The following TAFA1 variants were observed in gnomAD, a reference collection of about 807,000 sequenced individuals.
The protein encoded by TAFA1 is chemokine-like protein TAFA-1.
A neutral mutation model predicts 18.5 loss-of-function variants in TAFA1; 4 were observed. That is an observed-to-expected ratio of 0.22 (90% CI 0.11 to 0.49). The LOEUF (loss-of-function observed/expected upper bound fraction) is 0.49, where lower values mean the gene tolerates loss of function less well. Among genes scored for constraint, TAFA1 ranks in the 20% least tolerant of loss-of-function variants. TAFA1 has a pLI of 0.98. For synonymous variants in TAFA1, 56 were observed against 55.2 expected, an observed-to-expected ratio of 1.01 and a Z score of -0.06; for missense variants, 147 against 169.0, an observed-to-expected ratio of 0.87 and a Z score of 0.72.
At chr3:68,312,146 CT>C (rs2068532156) in intron 2 of TAFA1, among the ~76,000 whole-genome samples, 1 of 152,192 alleles carries the variant, frequency 6.6e-6, no homozygotes, top group African/African-American at 2.4e-5. Context: ...AGTCCCTAGG[CT>C]GCACACAGCA....
intron 2 of TAFA1, among the ~76,000 whole-genome samples, chr3:68,083,405 A>T (rs2064929324): frequency 1.3e-5 from 2 of 152,264 alleles, no homozygotes; most frequent in Admixed American, 6.5e-5. Context: ...ATAATACATT[A>T]AAAGGACGAG....
chr3:68,415,416 A>G (rs903857789), intron 2 of TAFA1, among the ~76,000 whole-genome samples: 6 of 152,148 alleles, frequency 3.9e-5, no homozygotes, highest in African/African-American at 1.2e-4. Context: ...GGACGTGAGG[A>G]GCATTCTCTA....
intron 2 of TAFA1, among the ~76,000 whole-genome samples, chr3:68,084,573 G>A (rs968519654): frequency 2.6e-5 from 4 of 152,088 alleles, no homozygotes; most frequent in African/African-American, 9.7e-5. Flanking sequence ...TGAGGCGGGT[G>A]GATCACCTGA....
Position 68,540,231 on chromosome 3 carries a change from A to AGT in TAFA1, c.384+1352_384+1353dup, listed in dbSNP as rs1185647256. ...GCCTTTTTTGACCCCCTTGACCAGT[A>AGT]GTAAATGGCTATACATTTCCGGCTT... is the stretch of plus-strand genomic sequence containing the variant. On this transcript the variant is annotated intron_variant, in intron 4 of 4. Transcript: ENST00000478136. 8.5e-5 allele frequency among the ~76,000 whole-genome samples: 13 copies of AGT among 152,300 alleles called. No individual in the cohort carries two copies. The South Asian group carries it at 2.7e-3, about 32-fold the overall frequency.
chr3:68,360,824 A>G (rs2069454663), intron 2 of TAFA1, among the ~76,000 whole-genome samples: 1 of 152,052 alleles, frequency 6.6e-6, no homozygotes, highest in African/African-American at 2.4e-5. Flanking sequence ...GCAGCCATGA[A>G]AAAAGTTTGG....
At chr3:68,234,725 C>T (rs758015915) in intron 2 of TAFA1, among the ~76,000 whole-genome samples, 2 of 152,126 alleles carry the variant, frequency 1.3e-5, no homozygotes, top group African/African-American at 2.4e-5. Context: ...ATTTTATTCT[C>T]GGCCTTGAGA....
intron 2 of TAFA1, among the ~76,000 whole-genome samples, chr3:68,201,870 A>T (rs1270796884): frequency 6.6e-6 from 1 of 151,736 alleles, no homozygotes; most frequent in Non-Finnish European, 1.5e-5. Context: ...GCTGTGCCAT[A>T]ACACGATGGA....
At position 68,153,727 on chromosome 3, in the gene TAFA1, C is replaced by T. The variant is rs553247942; in HGVS notation, c.118+146983C>T. Reference sequence around the variant, plus strand: ...TAAGAGACAGCCACTCCAACCTTGACATTTTCCTTGAGCGAGAGAACCCTG... The same window carrying T: ...TAAGAGACAGCCACTCCAACCTTGATATTTTCCTTGAGCGAGAGAACCCTG... On this transcript the variant is annotated intron_variant, in intron 2 of 4. Transcript: ENST00000478136. Among the ~76,000 whole-genome samples, 3 of 152,238 alleles carry T rather than the reference C, an allele frequency of 2.0e-5. No individual in the cohort carries two copies. The South Asian group carries it at 6.2e-4, about 32-fold the overall frequency.
At chr3:68,428,919 T>C (rs1403678551) in intron 3 of TAFA1, among the ~76,000 whole-genome samples, 1 of 151,904 alleles carries the variant, frequency 6.6e-6, no homozygotes, top group African/African-American at 2.4e-5. Context: ...CTCATCAATG[T>C]CTCCCGGGTA....
chr3:68,183,100 A>AAT (rs1307608750), intron 2 of TAFA1, among the ~76,000 whole-genome samples: 2 of 152,262 alleles, frequency 1.3e-5, no homozygotes, highest in African/African-American at 4.8e-5. Flanking sequence ...ATCATCAATC[A>AAT]ATAGTATACC....
At chr3:68,227,370 C>CA (rs2066815296) in intron 2 of TAFA1, among the ~76,000 whole-genome samples, 1 of 152,088 alleles carries the variant, frequency 6.6e-6, no homozygotes, top group South Asian at 2.1e-4. Flanking sequence ...ATGGTTTGGG[C>CA]TGTGTTGAGA....
At chr3:68,113,803 A>G (rs2065290027) in intron 2 of TAFA1, among the ~76,000 whole-genome samples, 1 of 151,288 alleles carries the variant, frequency 6.6e-6, no homozygotes, top group Admixed American at 6.6e-5. Context: ...CTTTGCAGTA[A>G]CTCTCATCAA....
At chr3:68,379,943 T>C (rs990921198) in intron 2 of TAFA1, among the ~76,000 whole-genome samples, 1 of 148,174 alleles carries the variant, frequency 6.7e-6, no homozygotes, top group South Asian at 2.2e-4. Context: ...CAGTCCCCAA[T>C]GTGTGATGTT....
chr3:68,455,562 T>C (rs1240955344), intron 3 of TAFA1, among the ~76,000 whole-genome samples: 1 of 152,176 alleles, frequency 6.6e-6, no homozygotes, highest in African/African-American at 2.4e-5. Context: ...TGCATTCATC[T>C]CCATCAATTT....
chr3:68,197,376 A>T (rs991252154), intron 2 of TAFA1, among the ~76,000 whole-genome samples: 1 of 151,652 alleles, frequency 6.6e-6, no homozygotes, highest in Non-Finnish European at 1.5e-5. Context: ...CCTTTATAAG[A>T]TCAGGTGTAT....
chr3:68,048,117 C>G (rs2064414682), intron 2 of TAFA1, among the ~76,000 whole-genome samples: 1 of 152,048 alleles, frequency 6.6e-6, no homozygotes, highest in African/African-American at 2.4e-5. Context: ...AATGTAAGTG[C>G]TGTTAGTTGA....
intron 2 of TAFA1, among the ~76,000 whole-genome samples, chr3:68,359,795 A>T (rs1215678455): frequency 3.9e-5 from 6 of 152,022 alleles, no homozygotes; most frequent in African/African-American, 1.4e-4. Flanking sequence ...TCATGGAGCT[A>T]AAGTTTATTT....
intron 2 of TAFA1, among the ~76,000 whole-genome samples, chr3:68,251,485 A>G (rs796327203): frequency 4.6e-5 from 7 of 152,310 alleles, no homozygotes; most frequent in African/African-American, 1.7e-4. Flanking sequence ...CCTAGGTGCT[A>G]TGGATATAGC....
chr3:68,002,823 A>G (rs1221735661), upstream of TAFA1, among the ~76,000 whole-genome samples: 1 of 151,888 alleles, frequency 6.6e-6, no homozygotes, highest in African/African-American at 2.4e-5. Flanking sequence ...CACATTCCCC[A>G]TCTGTGAAAC....
Sources: allele counts gnomAD v4.1 joint callset (sites outside exome capture counted in the v4.1 genomes callset), GRCh38; gene constraint gnomAD v4.1.1; transcripts MANE v1.5; gene names NCBI Gene and HGNC (gene_info 2026-07-23, HGNC 2026-07-21).